Variants in ZFYVE1 observed in about 807,000 individuals in gnomAD.
ZFYVE1 encodes the protein zinc finger FYVE domain-containing protein 1.
ZFYVE1 carries 30 observed loss-of-function variants against 74.4 expected under a neutral mutation model. That is an observed-to-expected ratio of 0.40 (90% CI 0.30 to 0.55). The LOEUF (loss-of-function observed/expected upper bound fraction) is 0.55. Ranked by LOEUF, ZFYVE1 falls within the 20% of genes least tolerant of loss-of-function variation. The pLI is 0.42. For missense variants in ZFYVE1, 703 were observed against 1,011.6 expected, an observed-to-expected ratio of 0.69 and a Z score of 4.14; for synonymous variants, 335 against 385.1, an observed-to-expected ratio of 0.87 and a Z score of 1.52.
intron 4 of ZFYVE1, among the ~76,000 whole-genome samples, chr14:72,983,164 T>C (rs1893382438): frequency 1.3e-5 from 2 of 152,016 alleles, no homozygotes; most frequent in Admixed American, 6.6e-5. Flanking sequence ...GAACTTCTTA[T>C]GCAAGGTTCC....
intron 2 of ZFYVE1, among the ~76,000 whole-genome samples, chr14:73,014,373 C>T (rs1894148803): frequency 1.3e-5 from 2 of 152,180 alleles, no homozygotes; most frequent in Admixed American, 6.5e-5. Flanking sequence ...ATCCTCAACC[C>T]TGTGTTTCCC....
Position 73,024,390 on chromosome 14 carries a change from A to G in ZFYVE1, c.119T>C (p.Leu40Pro). ...CTCCTCCTCGCAGCGGAGACACTGCAGACTGCAGCACTCATCACACTCAAA... is the reference window on the plus strand; with the variant it reads ...CTCCTCCTCGCAGCGGAGACACTGCGGACTGCAGCACTCATCACACTCAAA... ...AIFECDECCSLQCLRCEEELH... is the reference protein window; with the variant it reads ...AIFECDECCSPQCLRCEEELH... The change falls in exon 2 of 12, where the codon CTG (leucine) becomes CCG (proline). Residue 40 changes from leucine to proline, a missense_variant. By Grantham distance (98) the Leu-to-Pro change is moderately conservative. Coordinates refer to ENST00000556143, the MANE Select transcript of ZFYVE1 (RefSeq NM_021260.4). 1 of 1,614,190 alleles carries G rather than the reference A, an allele frequency of 6.2e-7. No individual in the cohort carries two copies. Among genetic ancestry groups the G allele is most frequent in the South Asian group, 1.1e-5 (1 of 91,084 alleles).
intron 4 of ZFYVE1, among the ~76,000 whole-genome samples, chr14:72,990,729 G>GGTC (rs1476686052): frequency 7.2e-5 from 8 of 110,930 alleles, no homozygotes; most frequent in Non-Finnish European, 1.4e-4. Flanking sequence ...AGGGAGTCTA[G>GGTC]GTCTGTTGCC....
At chr14:72,993,491 T>C in intron 3 of ZFYVE1, 134 bp from the exon 4 acceptor site, 2 of 680,748 alleles carry the variant, frequency 2.9e-6, no homozygotes, top group Non-Finnish European at 4.7e-6. Context: ...TCACCCGAGG[T>C]CAGGAGTTCA....
rs71109776 is a variant in ZFYVE1, at chr14:72,994,322, C to CAAAAAAAAAAA, written c.989-976_989-966dup. Reference sequence around the variant, plus strand: ...TGGGAGACAGAGCGAGACGCTGTCTCAAAAAAAAAAAAAAAAAAAAAAAAA... The same window carrying CAAAAAAAAAAA: ...TGGGAGACAGAGCGAGACGCTGTCTCAAAAAAAAAAAAAAAAAAAAAAAAAAAAAAAAAAAA... On this transcript the variant is annotated intron_variant, in intron 3 of 11. Coordinates refer to ENST00000556143, the MANE Select transcript of ZFYVE1 (RefSeq NM_021260.4). Among the ~76,000 whole-genome samples the CAAAAAAAAAAA allele has an allele frequency of 4.2e-4, 13 of 31,140 alleles. 3 individuals are homozygous for CAAAAAAAAAAA. The highest frequency in any genetic ancestry group is 9.9e-4 in the Admixed American group (2 of 2,022). The allele number at this position is 31,140 out of a possible 152,430, so 20.4% of individuals were successfully genotyped here.
chr14:73,003,603 A>G (rs972052571), intron 2 of ZFYVE1, among the ~76,000 whole-genome samples: 4 of 152,102 alleles, frequency 2.6e-5, no homozygotes, highest in Non-Finnish European at 5.9e-5. Flanking sequence ...CTAGCTACTC[A>G]GGAGGCTGGG....
At chr14:72,983,879 A>G (rs529200616) in intron 4 of ZFYVE1, among the ~76,000 whole-genome samples, 2 of 152,186 alleles carry the variant, frequency 1.3e-5, no homozygotes, top group Non-Finnish European at 1.5e-5. Context: ...GAGAAATGCA[A>G]ATCAAAACCA....
Position 72,975,143 on chromosome 14 carries a change from T to C in ZFYVE1, c.1807-184A>G. ...GAAAGGAAGCCTGGTGGACAGTGAG[T>C]TTCCTTTCACTAAGTGTCTGGGTTG... is the stretch of plus-strand genomic sequence containing the variant. On this transcript the variant is annotated intron_variant, in intron 9 of 11. Coordinates refer to ENST00000556143, the MANE Select transcript of ZFYVE1 (RefSeq NM_021260.4). This position sits in a 1 kb window ranked among gnomAD's most constrained non-coding sequence, Gnocchi z 4.1. 3.1e-6 allele frequency: 2 copies of C among 637,106 alleles called. No homozygotes were observed. Among genetic ancestry groups the C allele is most frequent in the Middle Eastern group, 4.5e-4 (1 of 2,242 alleles). The allele number at this position is 637,106 out of a possible 1,614,324, so 39.5% of individuals were successfully genotyped here.
intron 7 of ZFYVE1, 37 bp downstream of exon 7, chr14:72,978,100 G>A (rs747853039): frequency 1.1e-5 from 18 of 1,613,364 alleles, no homozygotes; most frequent in Non-Finnish European, 1.4e-5. Context: ...GGAGACAAAC[G>A]CACCAGAAAA....
intron 5 of ZFYVE1, 63 bp downstream of exon 5, chr14:72,981,726 G>A: frequency 1.4e-6 from 2 of 1,473,990 alleles, no homozygotes; most frequent in East Asian, 2.3e-5. Context: ...AGTCTAGGAA[G>A]CACCACTCAA....
chr14:72,970,078 G>T lies in ZFYVE1; in HGVS notation c.*804C>A. The stretch of plus-strand genomic sequence containing the variant: ...TTGAGGAGCTGGGTGCCGCCTTTTG[G>T]GAAAGCCGAGTGGAGACAGAAGCAT... On this transcript the variant is annotated 3_prime_UTR_variant, in exon 12 of 12. Coordinates refer to ENST00000556143, the MANE Select transcript of ZFYVE1 (RefSeq NM_021260.4). 3.2e-6 allele frequency: 1 copy of T among 310,550 alleles called. No individual in the cohort carries two copies. Among genetic ancestry groups the T allele is most frequent in the South Asian group, 4.3e-5 (1 of 23,130 alleles). 19.2% of individuals were successfully genotyped at this position (310,550 alleles called of 1,614,324 possible). A position where few individuals can be genotyped will look rare whatever the true frequency, so the allele number is the denominator to read the frequency against.
intron 11 of ZFYVE1, among the ~76,000 whole-genome samples, chr14:72,972,773 T>C (rs1448495273): frequency 6.6e-6 from 1 of 151,358 alleles, no homozygotes; most frequent in Non-Finnish European, 1.5e-5. Context: ...AGTGGTGCGA[T>C]CTCGCCTCAC....
At chr14:73,013,611 GA>G (rs1321686015) in intron 2 of ZFYVE1, among the ~76,000 whole-genome samples, 1 of 150,850 alleles carries the variant, frequency 6.6e-6, no homozygotes, top group Non-Finnish European at 1.5e-5. Flanking sequence ...AAAAAAAAAA[GA>G]AAAAAACAAG....
chr14:73,011,189 G>C, intron 2 of ZFYVE1, among the ~76,000 whole-genome samples: 1 of 149,232 alleles, frequency 6.7e-6, no homozygotes, highest in East Asian at 2.0e-4. Flanking sequence ...AAAAAAGAAA[G>C]AAAGAAACCC....
intron 2 of ZFYVE1, among the ~76,000 whole-genome samples, chr14:73,022,866 C>G (rs1366950545): frequency 3.3e-5 from 5 of 151,972 alleles, no homozygotes; most frequent in Admixed American, 6.6e-5. Flanking sequence ...GATCAGAAAC[C>G]TATACAAGAA....
rs1474283124 is a variant in ZFYVE1 at position 72,975,360 on chromosome 14, C to T, written c.1806+191G>A. Reference sequence around the variant, plus strand: ...AACAGAAAATACTTGCAGGAAAACACGAAGGGAAATCAATGGGCAAAGAGA... The same window carrying T: ...AACAGAAAATACTTGCAGGAAAACATGAAGGGAAATCAATGGGCAAAGAGA... On this transcript the variant is annotated intron_variant, in intron 9 of 11. Coordinates refer to ENST00000556143, the MANE Select transcript of ZFYVE1 (RefSeq NM_021260.4). This position sits in a 1 kb window ranked among gnomAD's most constrained non-coding sequence, Gnocchi z 4.1. Among the ~76,000 whole-genome samples the T allele has an allele frequency of 8.5e-5, 13 of 152,122 alleles. No individual in the cohort carries two copies. Among genetic ancestry groups the T allele is most frequent in the East Asian group, 1.9e-4 (1 of 5,194 alleles).
intron 2 of ZFYVE1, among the ~76,000 whole-genome samples, chr14:73,000,966 G>A (rs10142131): frequency 0.42 from 63,913 of 152,018 alleles, 14,343 homozygotes; most frequent in African/African-American, 0.57. Flanking sequence ...TTTCTTACAC[G>A]TGCTCTTACT....
At chr14:72,989,982 A>C (rs1893570531) in intron 4 of ZFYVE1, among the ~76,000 whole-genome samples, 1 of 152,184 alleles carries the variant, frequency 6.6e-6, no homozygotes, top group Non-Finnish European at 1.5e-5. Flanking sequence ...AAACAAGTGG[A>C]GAAGAAAAGA....
chr14:72,996,975 C>G (rs754756540), intron 3 of ZFYVE1, among the ~76,000 whole-genome samples: 3 of 152,234 alleles, frequency 2.0e-5, no homozygotes. Flanking sequence ...CCTCCTACCA[C>G]TCAGGTGACA....
Sources: gnomAD v4.1 joint callset for allele counts (sites outside exome capture counted in the v4.1 genomes callset) on GRCh38, gnomAD v4.1.1 for gene constraint, Gnocchi (gnomAD v3.1) non-coding constraint, MANE v1.5 for transcripts, NCBI Gene and HGNC (gene_info 2026-07-23, HGNC 2026-07-21) for gene names.